Variants in KAZN observed in about 807,000 individuals in gnomAD.
KAZN encodes the protein kazrin, periplakin interacting protein, also known as kazrin.
In KAZN, 40 loss-of-function variants were observed where a neutral mutation model predicts 87.4. The ratio of observed to expected loss-of-function variants is 0.46; its 90% CI spans 0.36 to 0.60. The LOEUF (loss-of-function observed/expected upper bound fraction) is 0.60, where lower values mean the gene tolerates loss of function less well. Ranked by LOEUF, KAZN falls within the 20% of genes least tolerant of loss-of-function variation. The probability of loss-of-function intolerance (pLI) is 0.00; values close to 1 mark genes in which losing one functional copy is unlikely to be tolerated. For missense variants in KAZN, 898 were observed against 1,073.9 expected (o/e 0.84, Z 2.29); for synonymous variants, 466 against 458.3 (o/e 1.02, Z -0.22).
chr1:14,997,669 G>A (rs1402795963), intron 2 of KAZN, among the ~76,000 whole-genome samples: 1 of 152,176 alleles, frequency 6.6e-6, no homozygotes, highest in East Asian at 1.9e-4. Context: ...AATCCATGCG[G>A]AAAGCCTGTG....
intron 2 of KAZN, among the ~76,000 whole-genome samples, chr1:14,498,030 C>T (rs1278084162): frequency 6.6e-6 from 1 of 151,468 alleles, no homozygotes; most frequent in Non-Finnish European, 1.5e-5. Context: ...CTTTTACAAG[C>T]TGCTTCTCCT....
intron 2 of KAZN, among the ~76,000 whole-genome samples, chr1:14,559,666 A>G (rs1204505705): frequency 6.6e-6 from 1 of 152,220 alleles, no homozygotes; most frequent in Non-Finnish European, 1.5e-5. Context: ...AGGGCTCAGA[A>G]AGCACATTTG....
At chr1:15,071,097 A>G (rs981840217) in intron 8 of KAZN, among the ~76,000 whole-genome samples, 12 of 152,234 alleles carry the variant, frequency 7.9e-5, no homozygotes, top group African/African-American at 2.9e-4. Flanking sequence ...TTACAAAATA[A>G]TGCCCCCAAA....
At chr1:14,013,240 C>G (rs1286350185) in intron 1 of KAZN, among the ~76,000 whole-genome samples, 2 of 152,282 alleles carry the variant, frequency 1.3e-5, no homozygotes, top group African/African-American at 4.8e-5. Flanking sequence ...TCCAAAGAAA[C>G]CAACTAAAGA....
chr1:14,041,386 A>T (rs1297193360), intron 1 of KAZN, among the ~76,000 whole-genome samples: 1 of 152,082 alleles, frequency 6.6e-6, no homozygotes, highest in African/African-American at 2.4e-5. Flanking sequence ...TTTCTTCTCA[A>T]CTTACTTATA....
rs1639990799 is a variant in KAZN at position 15,081,242 on chromosome 1, G to A, written c.1223-12938G>A. Among the ~76,000 whole-genome samples, 2 of 152,326 alleles carry A rather than the reference G, an allele frequency of 1.3e-5. No individual in the cohort carries two copies. The highest frequency in any genetic ancestry group is 3.4e-3 in the Middle Eastern group (1 of 294). On this transcript the variant is annotated intron_variant, in intron 8 of 14. Coordinates refer to ENST00000376030, the MANE Select transcript of KAZN (RefSeq NM_201628.3). The surrounding 1 kb of genome is among the most constrained non-coding windows in gnomAD (Gnocchi z 4.1). ...GGCTGGCTCACACAGGCCCACGGAT[G>A]GCTCTCTTCCCAACTCCACGTCCAG...
intron 2 of KAZN, among the ~76,000 whole-genome samples, chr1:14,585,174 A>G (rs1455408196): frequency 6.6e-6 from 1 of 152,032 alleles, no homozygotes; most frequent in East Asian, 1.9e-4. Context: ...AGCCTCTAGA[A>G]CTCTGAGGAA....
intron 2 of KAZN, among the ~76,000 whole-genome samples, chr1:15,017,162 G>A (rs1385396171): frequency 6.6e-6 from 1 of 151,920 alleles, no homozygotes; most frequent in Admixed American, 6.6e-5. Context: ...GCCAGGCTTG[G>A]TGGCTCGCAC....
At chr1:14,506,403 A>G (rs1670585794) in intron 2 of KAZN, among the ~76,000 whole-genome samples, 1 of 152,218 alleles carries the variant, frequency 6.6e-6, no homozygotes, top group Non-Finnish European at 1.5e-5. Context: ...ACATGCCATG[A>G]TCATCGTTTA....
intron 2 of KAZN, among the ~76,000 whole-genome samples, chr1:14,968,755 C>A (rs984615738): frequency 2.8e-4 from 42 of 152,196 alleles, no homozygotes; most frequent in Admixed American, 2.6e-3. Context: ...GAGTGAGTCA[C>A]CTGCCTTACA....
rs890194995 is a variant in KAZN at position 14,450,085 on chromosome 1, C to G, written c.250-148898C>G. On this transcript the variant is annotated intron_variant, in intron 2 of 16. Coordinates refer to the KAZN transcript ENST00000636203. The stretch of plus-strand genomic sequence containing the variant: ...TCATGCAAATCTTAGCCACAGCATG[C>G]TCTGGGAGCTTCAGGAGATGCTGGG... 4.6e-5 allele frequency among the ~76,000 whole-genome samples: 7 copies of G among 150,942 alleles called. No individual in the cohort carries two copies. In the Admixed American group the frequency reaches 4.6e-4, roughly 10 times the overall value.
rs1055884320 is a variant in KAZN, at chr1:14,856,335, A to G, written c.227-104349A>G. On this transcript the variant is annotated intron_variant, in intron 1 of 14. Coordinates refer to ENST00000376030, the MANE Select transcript of KAZN (RefSeq NM_201628.3). The surrounding 1 kb of genome is among the most constrained non-coding windows in gnomAD (Gnocchi z 5.2). ...GCATTCATGCCTAAGTGTGAGCTTG[A>G]ACTGTACCAACCCTAGAGGTTTCTT... Among the ~76,000 whole-genome samples the G allele has an allele frequency of 6.6e-6, 1 of 152,198 alleles. No homozygotes were observed. Among genetic ancestry groups the G allele is most frequent in the African/African-American group, 2.4e-5 (1 of 41,444 alleles).
chr1:14,568,658 T>A (rs1674680254), intron 2 of KAZN, among the ~76,000 whole-genome samples: 1 of 152,124 alleles, frequency 6.6e-6, no homozygotes, highest in African/African-American at 2.4e-5. Context: ...CAATTCAAGG[T>A]GGGATTTGGG....
At chr1:14,835,262 G>A (rs1024496796) in intron 1 of KAZN, among the ~76,000 whole-genome samples, 12 of 152,208 alleles carry the variant, frequency 7.9e-5, no homozygotes, top group Admixed American at 7.9e-4. Context: ...GAGGAAGGAT[G>A]ATGGCATCTG....
At chr1:14,289,106 G>A (rs1165311665) in intron 2 of KAZN, among the ~76,000 whole-genome samples, 1 of 152,186 alleles carries the variant, frequency 6.6e-6, no homozygotes, top group Non-Finnish European at 1.5e-5. Flanking sequence ...TTCCAACTAT[G>A]TGGTCAATTT....
chr1:14,846,955 C>T (rs1357045142), intron 1 of KAZN, among the ~76,000 whole-genome samples: 1 of 152,158 alleles, frequency 6.6e-6, no homozygotes, highest in Non-Finnish European at 1.5e-5. Flanking sequence ...GAGCGAGGGG[C>T]AGCAGGAACA....
rs1418445376 is a variant in KAZN, at chr1:15,066,976, G to A, written c.1222+1223G>A. The A allele has an allele frequency of 1.7e-5, 17 of 985,354 alleles. No individual in the cohort carries two copies. Among genetic ancestry groups the A allele is most frequent in the Non-Finnish European group, 2.0e-5 (17 of 829,996 alleles). 61.0% of individuals were successfully genotyped at this position (985,354 alleles called of 1,614,324 possible). A position where few individuals can be genotyped will look rare whatever the true frequency, so the allele number is the denominator to read the frequency against. ...GCTGACAGTCATGGTCCCCTTCTTT[G>A]GGTCTGTCTTTTGAGAGAGGTTGAG... On this transcript the variant is annotated intron_variant, in intron 8 of 14. Coordinates refer to ENST00000376030, the MANE Select transcript of KAZN (RefSeq NM_201628.3). The surrounding 1 kb of genome is among the most constrained non-coding windows in gnomAD (Gnocchi z 4.3).
chr1:14,329,518 C>G (rs184421858), intron 2 of KAZN, among the ~76,000 whole-genome samples: 97 of 152,264 alleles, frequency 6.4e-4, no homozygotes, highest in Non-Finnish European at 1.0e-3. Context: ...ACATGATTGG[C>G]AGATCTAAAA....
chr1:14,490,845 C>G (rs1057219819), intron 2 of KAZN, among the ~76,000 whole-genome samples: 1 of 152,194 alleles, frequency 6.6e-6, no homozygotes, highest in African/African-American at 2.4e-5. Context: ...TCGATTTCAA[C>G]ATTTTTGAAA....
Sources: gnomAD v4.1 joint callset for allele counts (sites outside exome capture counted in the v4.1 genomes callset) on GRCh38, gnomAD v4.1.1 for gene constraint, Gnocchi (gnomAD v3.1) non-coding constraint, MANE v1.5 for transcripts, NCBI Gene and HGNC (gene_info 2026-07-23, HGNC 2026-07-21) for gene names.